Variants in TTC3 observed in about 807,000 individuals in gnomAD.
TTC3 encodes E3 ubiquitin-protein ligase TTC3.
In TTC3, 180 loss-of-function variants were observed where a neutral mutation model predicts 249.6. That is an observed-to-expected ratio of 0.72 (90% CI 0.64 to 0.82). TTC3 has a LOEUF of 0.82. Among genes scored for constraint, TTC3 ranks in the 40% least tolerant of loss-of-function variants. TTC3 has a pLI of 0.00. For synonymous variants in TTC3, 717 were observed against 805.0 expected, an observed-to-expected ratio of 0.89 and a Z score of 1.85; for missense variants, 2,061 against 2,398.4, an observed-to-expected ratio of 0.86 and a Z score of 2.94.
intron 18 of TTC3, among the ~76,000 whole-genome samples, chr21:37,137,231 T>C (rs1184793222): frequency 1.3e-5 from 2 of 152,222 alleles, no homozygotes; most frequent in Admixed American, 1.3e-4. Context: ...TCAAGTCTTA[T>C]TATTTAAGAA....
exon 39 of TTC3, chr21:37,188,530 G>A (rs1252439917): frequency 1.2e-6 from 2 of 1,613,900 alleles, no homozygotes; most frequent in African/African-American, 1.3e-5. Flanking sequence ...AGAGTGAAGT[G>A]TATAAGCTAC....
At chr21:37,109,663 A>G (rs2075445436) in intron 11 of TTC3, among the ~76,000 whole-genome samples, 1 of 152,246 alleles carries the variant, frequency 6.6e-6, no homozygotes, top group South Asian at 2.1e-4. Context: ...AAAGACAGCA[A>G]TAACCTCTGC....
chr21:37,134,459 A>AT (rs1051878252), intron 17 of TTC3, among the ~76,000 whole-genome samples: 8 of 151,324 alleles, frequency 5.3e-5, no homozygotes, highest in African/African-American at 1.9e-4. Context: ...AAAAAAAAAA[A>AT]GCCAGCAGAA....
intron 18 of TTC3, among the ~76,000 whole-genome samples, chr21:37,137,669 G>A (rs1054741362): frequency 3.3e-5 from 5 of 152,158 alleles, no homozygotes; most frequent in Non-Finnish European, 7.4e-5. Context: ...TCAAGCAGTG[G>A]CAGGATTTGA....
chr21:37,088,717 T>G, intron 4 of TTC3, 82 bp from the exon 5 acceptor site: 29 of 1,263,938 alleles, frequency 2.3e-5, no homozygotes, highest in Non-Finnish European at 3.1e-5. Flanking sequence ...TTTAATGGTT[T>G]GAGATATATA....
chr21:37,164,082 G>T, exon 32 of TTC3: 9 of 1,611,172 alleles, frequency 5.6e-6, no homozygotes, highest in Non-Finnish European at 6.8e-6. Flanking sequence ...AGGCCCATTT[G>T]CAGTGCCTGA....
At chr21:37,180,469 A>G (rs2082651241) in intron 35 of TTC3, among the ~76,000 whole-genome samples, 1 of 151,402 alleles carries the variant, frequency 6.6e-6, no homozygotes, top group Non-Finnish European at 1.5e-5. Context: ...AGGGACATGG[A>G]TGAAACTGGA....
chr21:37,082,708 A>G (rs566905674), intron 1 of TTC3: 1 of 985,304 alleles, frequency 1.0e-6, no homozygotes, highest in South Asian at 4.7e-5. Flanking sequence ...AAAACATCCA[A>G]AAAGTGTTTT....
At chr21:37,090,550 C>T (rs1409751796) in intron 6 of TTC3, 1 of 938,666 alleles carries the variant, frequency 1.1e-6, no homozygotes, top group African/African-American at 1.8e-5. Flanking sequence ...AGATTATTTA[C>T]CTGGCTTATG....
intron 11 of TTC3, among the ~76,000 whole-genome samples, chr21:37,119,739 C>G (rs1340524105): frequency 6.6e-6 from 1 of 152,166 alleles, no homozygotes; most frequent in Non-Finnish European, 1.5e-5. Context: ...CAATGTCTTG[C>G]AAGCTGTGGT....
Position 37,165,652 on chromosome 21 carries a change from AG to A in TTC3, c.3439del (p.Glu1147LysfsTer6). The A allele has an allele frequency of 6.2e-7, 1 of 1,614,166 alleles. No homozygotes were observed. The highest frequency in any genetic ancestry group is 8.5e-7 in the Non-Finnish European group (1 of 1,180,030). ...TCCCAGAAGAAACTCGACAGATACT[AG>A]AAAAAGCAGGAGGTTTAAAACCTTT... is the stretch of plus-strand genomic sequence containing the variant. On this transcript the variant is annotated frameshift_variant, in exon 33 of 46. Transcript: ENST00000355666. LOFTEE classifies it high-confidence loss of function.
At chr21:37,160,709 T>C (rs892519650) in intron 29 of TTC3, 93 bp from the exon 30 acceptor site, 43 of 1,273,722 alleles carry the variant, frequency 3.4e-5, no homozygotes, top group Non-Finnish European at 4.2e-5. Flanking sequence ...ATTTAACTTA[T>C]GGCTAGTCTG....
intron 10 of TTC3, among the ~76,000 whole-genome samples, chr21:37,105,413 C>G (rs2074981468): frequency 6.6e-6 from 1 of 152,142 alleles, no homozygotes; most frequent in Non-Finnish European, 1.5e-5. Context: ...TTTCCAGCCT[C>G]AGTGTGTGAC....
At chr21:37,121,883 A>G (rs774787637) in exon 12 of TTC3, 3 of 1,613,274 alleles carry the variant, frequency 1.9e-6, no homozygotes, top group Non-Finnish European at 1.7e-6. Context: ...GCAAGCAAAC[A>G]TAAAAGCTCA....
In TTC3 at chr21:37,199,906, T is replaced by C. The variant is rs141720656; in HGVS notation, c.5851-326T>C. Among the ~76,000 whole-genome samples, 22 of 152,338 alleles carry C rather than the reference T, an allele frequency of 1.4e-4. No individual in the cohort carries two copies. In the East Asian group the frequency reaches 4.0e-3, roughly 28 times the overall value. The stretch of plus-strand genomic sequence containing the variant: ...TACCCTCAACTGTTAGATGATTAAA[T>C]GTATGATTAATTCACACCATGCCAT... On this transcript the variant is annotated intron_variant, in intron 44 of 45. Coordinates refer to ENST00000355666, the Ensembl canonical transcript of TTC3.
At position 37,096,706 on chromosome 21, in the gene TTC3, G is replaced by A. The variant is rs191552682; in HGVS notation, c.845+63G>A. The A allele has an allele frequency of 2.1e-4, 276 of 1,331,508 alleles. No individual in the cohort carries two copies. The African/African-American group carries it at 3.0e-3, about 14-fold the overall frequency. The allele number at this position is 1,331,508 out of a possible 1,614,324, so 82.5% of individuals were successfully genotyped here. The stretch of plus-strand genomic sequence containing the variant: ...TGCTAAATACCCATTTTTGGGAAAC[G>A]TTTCTGTTTTTCAGGTATACAAGAA... On this transcript the variant is annotated intron_variant, in intron 10 of 45. Coordinates refer to ENST00000355666, the Ensembl canonical transcript of TTC3.
At position 37,141,701 on chromosome 21, in the gene TTC3, G is replaced by A. The variant is rs536777531; in HGVS notation, c.1772+1028G>A. Among the ~76,000 whole-genome samples, 261 of 152,218 alleles carry A rather than the reference G, an allele frequency of 1.7e-3. 1 individual carries two copies. The highest frequency in any genetic ancestry group is 3.4e-3 in the Middle Eastern group (1 of 294). On this transcript the variant is annotated intron_variant, in intron 20 of 45. Transcript: ENST00000355666. The stretch of plus-strand genomic sequence containing the variant: ...AAAGAATCACTTGAACCCAGGAGGC[G>A]GAGGTTGCAGTGAGCTGAGATTGCA...
In TTC3 at chr21:37,197,869, G is replaced by A. The variant is rs778588403; in HGVS notation, c.5707-13G>A. ...CTCTTGTCCCCTCCCCGCCACCCCT[G>A]TTATTTTCGCAGCCAAACCCAGGAA... On this transcript the variant is annotated splice_polypyrimidine_tract_variant and intron_variant, in intron 43 of 45. Transcript: ENST00000355666. 1.2e-6 allele frequency: 2 copies of A among 1,609,510 alleles called. No homozygotes were observed. Among genetic ancestry groups the A allele is most frequent in the South Asian group, 1.1e-5 (1 of 90,588 alleles).
intron 17 of TTC3, among the ~76,000 whole-genome samples, chr21:37,135,116 G>C (rs1330071656): frequency 1.3e-5 from 2 of 152,162 alleles, no homozygotes; most frequent in African/African-American, 4.8e-5. Flanking sequence ...AGCAAGTGAG[G>C]CTTAGTACCA....
Sources: gnomAD v4.1 joint callset for allele counts (sites outside exome capture counted in the v4.1 genomes callset) on GRCh38, gnomAD v4.1.1 for gene constraint, MANE v1.5 for transcripts, NCBI Gene and HGNC (gene_info 2026-07-23, HGNC 2026-07-21) for gene names.